The following LHFPL3 variants were observed in gnomAD, a reference collection of about 807,000 sequenced individuals.
LHFPL3 encodes LHFPL tetraspan subfamily member 3.
Under a neutral mutation model 19.3 loss-of-function variants are expected in LHFPL3, and 5 were observed. That is an observed-to-expected ratio of 0.26 (90% CI 0.14 to 0.54). The LOEUF is 0.54. Ranked by LOEUF, LHFPL3 falls within the 20% of genes least tolerant of loss-of-function variation. The probability of loss-of-function intolerance (pLI) is 0.94; values close to 1 mark genes in which losing one functional copy is unlikely to be tolerated. For missense variants in LHFPL3, 249 were observed against 307.4 expected (o/e 0.81, Z 1.42); for synonymous variants, 133 against 126.2 (o/e 1.05, Z -0.36).
At chr7:104,368,504 C>T (rs78501036) in intron 1 of LHFPL3, among the ~76,000 whole-genome samples, 2,142 of 152,224 alleles carry the variant, frequency 0.014, 53 homozygotes, top group African/African-American at 0.049. Context: ...TTCTGCGGCG[C>T]GTAATCTCCT....
chr7:104,864,309 G>A (rs1213941267), intron 2 of LHFPL3, among the ~76,000 whole-genome samples: 4 of 152,166 alleles, frequency 2.6e-5, no homozygotes, highest in Admixed American at 6.5e-5. Context: ...CCAAAGCAGG[G>A]CGAGGCATTG....
rs961216049 is a variant in LHFPL3 at position 104,344,041 on chromosome 7, T to G, written c.445+14817T>G. ...ATTAGATTAAAGGAGCTCCCTTATA[T>G]TCCTACACTAAGTTTTTAAATTGTG... On this transcript the variant is annotated intron_variant, in intron 1 of 2. Transcript: ENST00000424859. Among the ~76,000 whole-genome samples the G allele has an allele frequency of 2.0e-5, 3 of 152,146 alleles. No homozygotes were observed. In the South Asian group the frequency reaches 6.2e-4, roughly 31 times the overall value.
chr7:104,389,060 T>C (rs1004974033), intron 1 of LHFPL3, among the ~76,000 whole-genome samples: 1 of 152,150 alleles, frequency 6.6e-6, no homozygotes, highest in African/African-American at 2.4e-5. Flanking sequence ...GCATTGAGAT[T>C]GGAAAGGAAG....
At chr7:104,493,033 T>A (rs190678167) in intron 1 of LHFPL3, among the ~76,000 whole-genome samples, 1 of 152,374 alleles carries the variant, frequency 6.6e-6, no homozygotes, top group Non-Finnish European at 1.5e-5. Flanking sequence ...ACCTTCAAAT[T>A]TCTGAAAAGA....
intron 2 of LHFPL3, among the ~76,000 whole-genome samples, chr7:104,890,614 G>C (rs1311719620): frequency 2.0e-5 from 3 of 152,172 alleles, no homozygotes; most frequent in Non-Finnish European, 4.4e-5. Context: ...GCCGGGTGAA[G>C]GTCTCATTGC....
At chr7:104,473,638 C>T (rs567497343) in intron 1 of LHFPL3, among the ~76,000 whole-genome samples, 20 of 152,306 alleles carry the variant, frequency 1.3e-4, no homozygotes, top group African/African-American at 4.6e-4. Flanking sequence ...GTTACATAAC[C>T]ACTCTGTGCC....
chr7:104,424,477 A>G (rs1307822911), intron 1 of LHFPL3, among the ~76,000 whole-genome samples: 1 of 152,246 alleles, frequency 6.6e-6, no homozygotes, highest in Non-Finnish European at 1.5e-5. Flanking sequence ...GTTATGTAAG[A>G]CCACAGAAAG....
chr7:104,507,302 C>T (rs550412888), intron 1 of LHFPL3, among the ~76,000 whole-genome samples: 1 of 145,962 alleles, frequency 6.9e-6, no homozygotes. Flanking sequence ...GAAATAACCC[C>T]GCATATCTAC....
At chr7:104,627,554 CTT>C (rs1433268221) in intron 1 of LHFPL3, among the ~76,000 whole-genome samples, 2 of 152,132 alleles carry the variant, frequency 1.3e-5, no homozygotes, top group East Asian at 1.9e-4. Flanking sequence ...TTCAATGCAT[CTT>C]TGTGTCATCC....
At chr7:104,728,813 T>C (rs1793636782) in intron 1 of LHFPL3, among the ~76,000 whole-genome samples, 1 of 152,166 alleles carries the variant, frequency 6.6e-6, no homozygotes, top group Middle Eastern at 3.2e-3. Context: ...ACTGTATCCC[T>C]AGCACCAAGA....
At chr7:104,790,305 T>C (rs1297065339) in intron 2 of LHFPL3, among the ~76,000 whole-genome samples, 1 of 152,226 alleles carries the variant, frequency 6.6e-6, no homozygotes, top group Non-Finnish European at 1.5e-5. Context: ...AAGAGGTTTC[T>C]AGAGTTGCCT....
chr7:104,708,831 A>G (rs1793238892), intron 1 of LHFPL3, among the ~76,000 whole-genome samples: 1 of 152,104 alleles, frequency 6.6e-6, no homozygotes, highest in African/African-American at 2.4e-5. Flanking sequence ...GTTGTTTCTC[A>G]TTACAGCAGT....
chr7:104,869,695 G>C (rs1302319991), intron 2 of LHFPL3, among the ~76,000 whole-genome samples: 1 of 152,088 alleles, frequency 6.6e-6, no homozygotes, highest in Non-Finnish European at 1.5e-5. Context: ...ATTCCTCAGG[G>C]ATCTAGAACT....
At chr7:104,827,302 CA>C (rs1298753585) in intron 2 of LHFPL3, among the ~76,000 whole-genome samples, 2 of 152,008 alleles carry the variant, frequency 1.3e-5, no homozygotes, top group African/African-American at 4.8e-5. Flanking sequence ...GCCTTTCTAG[CA>C]CTTTAAAGTG....
At chr7:104,602,269 C>T (rs1040099467) in intron 1 of LHFPL3, among the ~76,000 whole-genome samples, 3 of 152,106 alleles carry the variant, frequency 2.0e-5, no homozygotes, top group African/African-American at 2.4e-5. Context: ...AATCCTCCCA[C>T]CTTGGCCTCC....
In LHFPL3 at chr7:104,828,346, G is replaced by T. The variant is rs532453761; in HGVS notation, c.683-77841G>T. ...CCAGGCCAGCAGGAGGATACTACCT[G>T]CCCACTGAATTCACAAGAAAAAAGG... is the stretch of plus-strand genomic sequence containing the variant. On this transcript the variant is annotated intron_variant, in intron 2 of 2. Transcript: ENST00000424859. Among the ~76,000 whole-genome samples the T allele has an allele frequency of 4.6e-5, 7 of 151,960 alleles. No homozygotes were observed. The South Asian group carries it at 1.5e-3, about 32-fold the overall frequency.
chr7:104,720,336 A>G lies in LHFPL3; in HGVS notation c.446-16339A>G, dbSNP rs138963584. ...ATGGTGCTGGGAAAACTGGCTAGCC[A>G]TATGTAGAAAGCTGAAACTGAATCC... On this transcript the variant is annotated intron_variant, in intron 1 of 2. Coordinates refer to ENST00000424859, the MANE Select transcript of LHFPL3 (RefSeq NM_199000.3). 5.3e-5 allele frequency among the ~76,000 whole-genome samples: 8 copies of G among 152,216 alleles called. No homozygotes were observed. The East Asian group carries it at 1.5e-3, about 29-fold the overall frequency.
intron 1 of LHFPL3, among the ~76,000 whole-genome samples, chr7:104,586,966 G>A (rs1006292758): frequency 6.6e-6 from 1 of 151,908 alleles, no homozygotes; most frequent in Non-Finnish European, 1.5e-5. Context: ...CCATTTCAGA[G>A]GCATAAGACA....
chr7:104,598,376 T>A (rs1222291923), intron 1 of LHFPL3, among the ~76,000 whole-genome samples: 3 of 152,200 alleles, frequency 2.0e-5, no homozygotes, highest in Admixed American at 2.0e-4. Context: ...ACATGTGGAA[T>A]CAAGATCCTG....
Sources: gnomAD v4.1 joint callset for allele counts (sites outside exome capture counted in the v4.1 genomes callset) on GRCh38, gnomAD v4.1.1 for gene constraint, MANE v1.5 for transcripts, NCBI Gene and HGNC (gene_info 2026-07-23, HGNC 2026-07-21) for gene names.